Variants in SLC39A12 observed in about 807,000 individuals in gnomAD.
SLC39A12 encodes the protein zinc transporter ZIP12.
A neutral mutation model predicts 71.1 loss-of-function variants in SLC39A12; 63 were observed. The ratio of observed to expected loss-of-function variants is 0.89; its 90% CI spans 0.72 to 1.09. The LOEUF (loss-of-function observed/expected upper bound fraction) is 1.09, where lower values mean the gene tolerates loss of function less well. SLC39A12 is among the 50% of genes least tolerant of loss of function. The pLI is 0.00. For synonymous variants in SLC39A12, 351 were observed against 301.3 expected, an observed-to-expected ratio of 1.16 and a Z score of -1.71; for missense variants, 892 against 812.6, an observed-to-expected ratio of 1.10 and a Z score of -1.19.
At chr10:17,983,755 C>G (rs1249495158) in intron 6 of SLC39A12, among the ~76,000 whole-genome samples, 5 of 152,106 alleles carry the variant, frequency 3.3e-5, no homozygotes, top group African/African-American at 4.8e-5. Context: ...GCACTCCAGC[C>G]TGGGCGACAG....
chr10:18,040,491 C>CA (rs1307469906), intron 12 of SLC39A12, among the ~76,000 whole-genome samples: 33 of 152,170 alleles, frequency 2.2e-4, no homozygotes, highest in Admixed American at 1.2e-3. Context: ...TCAACCTGGC[C>CA]AGGCATGGTG....
At chr10:17,970,802 T>A (rs1834951095) in intron 4 of SLC39A12, among the ~76,000 whole-genome samples, 1 of 151,996 alleles carries the variant, frequency 6.6e-6, no homozygotes, top group African/African-American at 2.4e-5. Context: ...TTTCTATCTC[T>A]TGTCTGATTG....
At chr10:17,974,045 G>T (rs1247625886) in intron 4 of SLC39A12, among the ~76,000 whole-genome samples, 2 of 150,432 alleles carry the variant, frequency 1.3e-5, no homozygotes, top group Non-Finnish European at 3.0e-5. Flanking sequence ...TTTAGCTCCA[G>T]AATTTTTTAA....
intron 2 of SLC39A12, 48 bp from the exon 3 acceptor site, chr10:17,961,533 T>A: frequency 6.5e-7 from 1 of 1,547,116 alleles, no homozygotes; most frequent in Non-Finnish European, 8.7e-7. Context: ...CTGGAACTAT[T>A]TTGCTAAGCT....
At chr10:18,022,000 G>A (rs1836546039) in intron 12 of SLC39A12, among the ~76,000 whole-genome samples, 1 of 152,174 alleles carries the variant, frequency 6.6e-6, no homozygotes. Context: ...TTAGTCTGAT[G>A]AGTTTCCCTT....
chr10:17,955,893 A>G (rs1554847737), intron 2 of SLC39A12, among the ~76,000 whole-genome samples: 1 of 152,190 alleles, frequency 6.6e-6, no homozygotes, highest in East Asian at 1.9e-4. Flanking sequence ...AATAACTCCA[A>G]AACAATACAT....
chr10:18,009,069 A>G (rs1339849026), intron 12 of SLC39A12, among the ~76,000 whole-genome samples: 2 of 152,194 alleles, frequency 1.3e-5, no homozygotes, highest in South Asian at 2.1e-4. Flanking sequence ...TAATTAATTA[A>G]AAAAATGTAA....
rs1475764267 is a variant in SLC39A12 at position 17,953,244 on chromosome 10, C to T, written c.-33C>T. 1.2e-6 allele frequency: 2 copies of T among 1,607,424 alleles called. No homozygotes were observed. Among genetic ancestry groups the T allele is most frequent in the Admixed American group, 3.4e-5 (2 of 59,638 alleles). On this transcript the variant is annotated 5_prime_UTR_variant, in exon 2 of 13. Transcript: ENST00000377369. ...TAAACGGCAACACACTCACCTCCAT[C>T]CAAGACAGACTCAAGGTGGAGGAAG...
chr10:17,971,706 T>C (rs1007282424), intron 4 of SLC39A12, among the ~76,000 whole-genome samples: 4 of 152,260 alleles, frequency 2.6e-5, no homozygotes, highest in African/African-American at 7.2e-5. Context: ...TCTGATTTTA[T>C]TTATTTGGAT....
At chr10:17,970,674 TTGTGTGTGTG>T (rs61528284) in intron 4 of SLC39A12, among the ~76,000 whole-genome samples, 4,087 of 145,492 alleles carry the variant, frequency 0.028, 152 homozygotes, top group African/African-American at 0.091. Context: ...TTCTAATAGT[TTGTGTGTGTG>T]TGTGTGTGTG....
intron 2 of SLC39A12, among the ~76,000 whole-genome samples, chr10:17,957,827 T>G (rs1384415142): frequency 6.6e-6 from 1 of 152,198 alleles, no homozygotes; most frequent in East Asian, 1.9e-4. Flanking sequence ...GCCTTCTGTA[T>G]TAAAATAAAT....
chr10:18,002,774 T>G (rs1835872876), intron 11 of SLC39A12: 2 of 155,648 alleles, frequency 1.3e-5, no homozygotes, highest in South Asian at 4.1e-4. Context: ...CATAAGTAAA[T>G]AATAAAAGCC....
intron 10 of SLC39A12, among the ~76,000 whole-genome samples, chr10:17,998,467 T>C (rs1835746383): frequency 6.6e-6 from 1 of 152,176 alleles, no homozygotes; most frequent in African/African-American, 2.4e-5. Context: ...TCTCTGAAAA[T>C]TGGCAGGAGC....
At chr10:17,953,630 G>C in intron 2 of SLC39A12, 93 bp downstream of exon 2, 1 of 1,419,684 alleles carries the variant, frequency 7.0e-7, no homozygotes, top group Non-Finnish European at 9.5e-7. Flanking sequence ...CAAAATCACA[G>C]GCAAATCTTC....
chr10:18,036,649 C>G (rs541337777), intron 12 of SLC39A12, among the ~76,000 whole-genome samples: 1 of 151,202 alleles, frequency 6.6e-6, no homozygotes, highest in South Asian at 2.1e-4. Context: ...GGAGCTGTTC[C>G]TATTCGGCCA....
intron 12 of SLC39A12, chr10:18,008,591 C>G (rs1201649757): frequency 6.6e-6 from 1 of 152,196 alleles, no homozygotes; most frequent in Non-Finnish European, 1.5e-5. Flanking sequence ...TCCATGAAAC[C>G]AGTCCCTGGT....
At chr10:17,963,175 C>T (rs1554848609) in intron 3 of SLC39A12, among the ~76,000 whole-genome samples, 1 of 150,574 alleles carries the variant, frequency 6.6e-6, no homozygotes, top group South Asian at 2.1e-4. Context: ...AGAAGAAAAG[C>T]AGGAAAAAAA....
chr10:18,007,768 A>G (rs1473915371), intron 12 of SLC39A12, among the ~76,000 whole-genome samples: 3 of 152,162 alleles, frequency 2.0e-5, no homozygotes, highest in Non-Finnish European at 4.4e-5. Context: ...GAGGATGACC[A>G]GAGGTCACTC....
chr10:17,993,038 A>G (rs1835594472), intron 8 of SLC39A12, 143 bp from the exon 9 acceptor site: 3 of 531,006 alleles, frequency 5.6e-6, no homozygotes, highest in Non-Finnish European at 6.7e-6. Context: ...TTGAAGTTGC[A>G]TTCCATTCTT....
Sources: gnomAD v4.1 joint callset for allele counts (sites outside exome capture counted in the v4.1 genomes callset) on GRCh38, gnomAD v4.1.1 for gene constraint, MANE v1.5 for transcripts, NCBI Gene and HGNC (gene_info 2026-07-23, HGNC 2026-07-21) for gene names.